The following SOX6 variants were observed in gnomAD, a reference collection of about 807,000 sequenced individuals.
SOX6 encodes SRY-box transcription factor 6.
SOX6 carries 11 observed loss-of-function variants against 97.8 expected under a neutral mutation model. The ratio of observed to expected loss-of-function variants is 0.11; its 90% CI spans 0.07 to 0.19. The LOEUF (loss-of-function observed/expected upper bound fraction) is 0.19, where lower values mean the gene tolerates loss of function less well. SOX6 is among the 10% of genes least tolerant of loss of function. The pLI is 1.00. For missense variants in SOX6, 810 were observed against 1,039.5 expected (o/e 0.78, Z 3.04); for synonymous variants, 360 against 371.4 (o/e 0.97, Z 0.35).
At chr11:16,303,133 T>C (rs1855316246) in intron 3 of SOX6, among the ~76,000 whole-genome samples, 1 of 152,216 alleles carries the variant, frequency 6.6e-6, no homozygotes, top group Non-Finnish European at 1.5e-5. Context: ...ATACATATGT[T>C]GTTATGTGTG....
intron 2 of SOX6, among the ~76,000 whole-genome samples, chr11:16,731,814 C>A (rs1266368053): frequency 6.6e-6 from 1 of 152,202 alleles, no homozygotes; most frequent in Non-Finnish European, 1.5e-5. Flanking sequence ...TCTCTGTTTG[C>A]AGACAACATG....
chr11:16,298,713 A>AT (rs952721128), intron 3 of SOX6, among the ~76,000 whole-genome samples: 14 of 151,188 alleles, frequency 9.3e-5, no homozygotes, highest in East Asian at 1.9e-4. Flanking sequence ...AGTTTTACTT[A>AT]TTTTTTTTTA....
Position 16,686,946 on chromosome 11 carries a change from G to T in SOX6, n.429+27884C>A, listed in dbSNP as rs902088122. On this transcript the variant is annotated intron_variant and non_coding_transcript_variant, in intron 3 of 5. Transcript: ENST00000524520. Reference sequence around the variant, plus strand: ...CCACTGCACTCCAGCCTGGGTGACAGAGTGAAACGATGTCTCACAAAAAAA... The same window carrying T: ...CCACTGCACTCCAGCCTGGGTGACATAGTGAAACGATGTCTCACAAAAAAA... Among the ~76,000 whole-genome samples the T allele has an allele frequency of 3.3e-5, 5 of 152,134 alleles. No individual in the cohort carries two copies. In the East Asian group the frequency reaches 7.7e-4, roughly 24 times the overall value.
intron 2 of SOX6, among the ~76,000 whole-genome samples, chr11:16,735,766 A>T (rs190283477): frequency 6.6e-6 from 1 of 152,336 alleles, no homozygotes; most frequent in East Asian, 1.9e-4. Context: ...GCACCTAGCA[A>T]AGTATATGGT....
At chr11:15,973,198 T>G in intron 15 of SOX6, 86 bp from the exon 16 acceptor site, 1 of 1,311,318 alleles carries the variant, frequency 7.6e-7, no homozygotes, top group Non-Finnish European at 1.1e-6. Flanking sequence ...CACCCTACAC[T>G]TTCAAAAGGG....
In SOX6 at chr11:16,405,310, T is replaced by C. The variant is rs1320459444; in HGVS notation, c.-4-64058A>G. ...TCAGAATATCCTAATTAGCATGTTG[T>C]ACATTGTGGTGAGGAAAAGAAGACT... On this transcript the variant is annotated intron_variant, in intron 1 of 15. Transcript: ENST00000396356. Among the ~76,000 whole-genome samples, 3 of 151,994 alleles carry C rather than the reference T, an allele frequency of 2.0e-5. No homozygotes were observed. In the East Asian group the frequency reaches 5.8e-4, roughly 29 times the overall value.
chr11:16,404,751 G>A (rs576569895), intron 1 of SOX6, among the ~76,000 whole-genome samples: 1 of 151,856 alleles, frequency 6.6e-6, no homozygotes, highest in Non-Finnish European at 1.5e-5. Context: ...GTGATAAATG[G>A]GATGATTAGA....
At chr11:16,351,572 C>T (rs1856947335) in intron 1 of SOX6, among the ~76,000 whole-genome samples, 2 of 152,052 alleles carry the variant, frequency 1.3e-5, no homozygotes. Flanking sequence ...CTGACCCTGG[C>T]ACTTGAGGCC....
intron 1 of SOX6, among the ~76,000 whole-genome samples, chr11:16,367,797 T>C (rs550822706): frequency 2.0e-5 from 3 of 152,312 alleles, no homozygotes; most frequent in South Asian, 2.1e-4. Flanking sequence ...GAAACTGTTA[T>C]CTGGCACCTT....
intron 1 of SOX6, among the ~76,000 whole-genome samples, chr11:16,409,733 A>G (rs747529432): frequency 2.6e-5 from 4 of 152,168 alleles, no homozygotes; most frequent in Non-Finnish European, 4.4e-5. Flanking sequence ...AACAGATGCA[A>G]TGGATAGAAG....
chr11:16,263,982 C>T (rs1853987138), intron 3 of SOX6, among the ~76,000 whole-genome samples: 1 of 151,804 alleles, frequency 6.6e-6, no homozygotes, highest in Non-Finnish European at 1.5e-5. Flanking sequence ...ACCCACTACC[C>T]CTATACATGC....
Position 16,055,807 on chromosome 11 carries a change from G to A in SOX6, c.1196C>T (p.Ser399Leu). The change falls in exon 10 of 16, where the codon TCA becomes TTA. Residue 399 changes from serine (S) to leucine (L), a missense_variant. This residue lies in a region of SOX6 where 244 missense variants were observed against 261.0 expected (regional missense o/e 0.93). Coordinates refer to ENST00000683767, the MANE Select transcript of SOX6 (RefSeq NM_001367873.1). Reference sequence around the variant, plus strand: ...CTTTTCATTTTTTATCCCAGTAGGTGAGACCGTCCCTGCTGTGTTTGGTGG... The same window carrying A: ...CTTTTCATTTTTTATCCCAGTAGGTAAGACCGTCCCTGCTGTGTTTGGTGG... Reference protein sequence around the residue: ...PQPPNTAGTVSPTGIKNEKRG... With the variant: ...PQPPNTAGTVLPTGIKNEKRG... 2 of 1,613,792 alleles carry A rather than the reference G, an allele frequency of 1.2e-6. No individual in the cohort carries two copies. The highest frequency in any genetic ancestry group is 1.1e-5 in the South Asian group (1 of 91,080).
At chr11:16,301,476 G>C (rs940712510) in intron 3 of SOX6, among the ~76,000 whole-genome samples, 2 of 152,100 alleles carry the variant, frequency 1.3e-5, no homozygotes, top group Non-Finnish European at 2.9e-5. Flanking sequence ...ACAGGTTCAT[G>C]GGCCCCATCC....
intron 9 of SOX6, among the ~76,000 whole-genome samples, chr11:16,077,143 T>C (rs1030244124): frequency 5.9e-5 from 9 of 152,160 alleles, no homozygotes; most frequent in African/African-American, 1.9e-4. Flanking sequence ...TATGATCAAA[T>C]CACCTCTGAC....
At chr11:16,126,511 G>T (rs1202567255) in intron 6 of SOX6, among the ~76,000 whole-genome samples, 1 of 152,094 alleles carries the variant, frequency 6.6e-6, no homozygotes, top group Non-Finnish European at 1.5e-5. Flanking sequence ...CTCAGGAAAT[G>T]CCTGTTTTAA....
chr11:16,278,625 G>A (rs1305073766), intron 3 of SOX6, among the ~76,000 whole-genome samples: 1 of 151,272 alleles, frequency 6.6e-6, no homozygotes, highest in African/African-American at 2.4e-5. Flanking sequence ...ATAACATCAA[G>A]TTTAGAGCTT....
intron 1 of SOX6, among the ~76,000 whole-genome samples, chr11:16,394,987 C>T (rs1298830478): frequency 6.6e-6 from 1 of 151,736 alleles, no homozygotes; most frequent in Non-Finnish European, 1.5e-5. Flanking sequence ...ACATTTCTAC[C>T]GCCATCCGCA....
rs1166767399 is a variant in SOX6 at position 16,186,969 on chromosome 11, A to G, written c.536-14T>C. On this transcript the variant is annotated splice_polypyrimidine_tract_variant and intron_variant, in intron 4 of 15. Coordinates refer to ENST00000683767, the MANE Select transcript of SOX6 (RefSeq NM_001367873.1). ...TCTCAGGTGTACCTAAAATGGAAGC[A>G]AGAAGAGATCTCACAAGCTTGAGAA... 4.3e-6 allele frequency: 7 copies of G among 1,613,714 alleles called. No homozygotes were observed. The highest frequency in any genetic ancestry group is 4.5e-5 in the East Asian group (2 of 44,854).
At chr11:16,648,113 T>C (rs1849040537) in intron 3 of SOX6, among the ~76,000 whole-genome samples, 1 of 151,870 alleles carries the variant, frequency 6.6e-6, no homozygotes, top group Non-Finnish European at 1.5e-5. Flanking sequence ...AAGGGTGAGG[T>C]CTGAAAGCCA....
Sources: gnomAD v4.1 joint callset for allele counts (sites outside exome capture counted in the v4.1 genomes callset) on GRCh38, gnomAD v4.1.1 for gene constraint, gnomAD v4.1.1 regional missense constraint, MANE v1.5 for transcripts, NCBI Gene and HGNC (gene_info 2026-07-23, HGNC 2026-07-21) for gene names.